Variants in OR51M1 observed in about 807,000 individuals in gnomAD.
OR51M1 encodes the protein olfactory receptor family 51 subfamily M member 1, also known as olfactory receptor 51M1.
For synonymous variants in OR51M1, 199 were observed against 155.1 expected, an observed-to-expected ratio of 1.28 and a Z score of -2.10; for missense variants, 509 against 404.4, an observed-to-expected ratio of 1.26 and a Z score of -2.22.
In OR51M1 at chr11:5,389,724, G is replaced by A; in HGVS notation, c.326G>A (p.Cys109Tyr). The change falls in exon 3 of 3, where the codon TGT (cysteine) becomes TAT (tyrosine). Residue 109 changes from cysteine (C) to tyrosine (Y), a missense_variant. Coordinates refer to ENST00000642046, the MANE Select transcript of OR51M1 (RefSeq NM_001004756.3). Reference protein sequence around the residue: ...FNSHSIYFGACQIQMFCIHSF... With the variant: ...FNSHSIYFGAYQIQMFCIHSF... Reference sequence around the variant, plus strand: ...TCCCATAGTATCTACTTTGGAGCGTGTCAAATCCAGATGTTCTGCATCCAC... The same window carrying A: ...TCCCATAGTATCTACTTTGGAGCGTATCAAATCCAGATGTTCTGCATCCAC... The A allele has an allele frequency of 6.2e-7, 1 of 1,613,924 alleles. No individual in the cohort carries two copies. The highest frequency in any genetic ancestry group is 1.1e-5 in the South Asian group (1 of 91,078).
rs1849786011 is a variant in OR51M1, at chr11:5,390,962, C to T, written c.*583C>T. 1.3e-5 allele frequency: 2 copies of T among 152,792 alleles called. No homozygotes were observed. The highest frequency in any genetic ancestry group is 1.3e-4 in the Admixed American group (2 of 15,316). 9.5% of individuals were successfully genotyped at this position (152,792 alleles called of 1,614,324 possible). ...CCAAATTTCTAAGGTTGTGCTCTCT[C>T]CTGACCATATTCCTCTAGAAGAAGA... On this transcript the variant is annotated 3_prime_UTR_variant, in exon 3 of 3. Transcript: ENST00000642046.
intron 2 of OR51M1, among the ~76,000 whole-genome samples, chr11:5,387,701 G>T (rs1481861305): frequency 7.0e-6 from 1 of 143,676 alleles, no homozygotes; most frequent in African/African-American, 2.6e-5. Context: ...TCTGCTTCAG[G>T]AACTTTCACT....
At chr11:5,389,301 T>G in intron 2 of OR51M1, 83 bp from the exon 3 acceptor site, 2 of 1,161,652 alleles carry the variant, frequency 1.7e-6, no homozygotes, top group South Asian at 2.8e-5. Context: ...CTAAAGGTGA[T>G]GATGACCATG....
At chr11:5,384,862 T>G (rs1367898188) in intron 1 of OR51M1, among the ~76,000 whole-genome samples, 1 of 152,192 alleles carries the variant, frequency 6.6e-6, no homozygotes, top group African/African-American at 2.4e-5. Flanking sequence ...AAAACAGGCA[T>G]GTTTACAGAT....
In OR51M1 at chr11:5,390,420, C is replaced by A; in HGVS notation, c.*41C>A. The A allele has an allele frequency of 6.7e-7, 1 of 1,490,330 alleles. No individual in the cohort carries two copies. Among genetic ancestry groups the A allele is most frequent in the Non-Finnish European group, 9.0e-7 (1 of 1,115,408 alleles). 92.3% of individuals were successfully genotyped at this position (1,490,330 alleles called of 1,614,324 possible). A position where few individuals can be genotyped will look rare whatever the true frequency, so the allele number is the denominator to read the frequency against. Reference sequence around the variant, plus strand: ...CTCCCCCTAGAGGCCTATAAGAAGGCCCCAAATTGGACTGAAAATTTGGAG... The same window carrying A: ...CTCCCCCTAGAGGCCTATAAGAAGGACCCAAATTGGACTGAAAATTTGGAG... On this transcript the variant is annotated 3_prime_UTR_variant, in exon 3 of 3. Transcript: ENST00000642046.
chr11:5,388,607 G>A (rs6578628), intron 2 of OR51M1, among the ~76,000 whole-genome samples: 120,485 of 148,630 alleles, frequency 0.81, 49,193 homozygotes, highest in Middle Eastern at 0.85. Flanking sequence ...ATATACAGAG[G>A]AAATTAGGAT....
Position 5,390,120 on chromosome 11 carries a change from C to A in OR51M1, c.722C>A (p.Ala241Asp), listed in dbSNP as rs780085206. 5 of 1,613,806 alleles carry A rather than the reference C, an allele frequency of 3.1e-6. No homozygotes were observed. The highest frequency in any genetic ancestry group is 4.2e-6 in the Non-Finnish European group (5 of 1,179,878). Residue 241 changes from alanine (A) to aspartate (D), a missense_variant, in exon 3 of 3, where the codon GCC becomes GAC. Transcript: ENST00000642046. ...GLILHTVAGL[A>D]SQEEQRRAFQ... ...ATCCTGCACACAGTAGCAGGCCTGGCCTCCCAAGAGGAGCAGCGCCGTGCC... is the reference window on the plus strand; with the variant it reads ...ATCCTGCACACAGTAGCAGGCCTGGACTCCCAAGAGGAGCAGCGCCGTGCC...
Position 5,389,914 on chromosome 11 carries a change from C to T in OR51M1, c.516C>T (p.Val172=), listed in dbSNP as rs750910193. The change falls in exon 3 of 3, where the codon GTC becomes GTT. Residue 172 remains valine, a synonymous_variant. Transcript: ENST00000642046. ...GACCTGTGGCCACTATCCCTATTGT[C>T]CTCCTCCTGAAGGCTTTTCCCTACT... is the stretch of plus-strand genomic sequence containing the variant. ...FRGPVATIPI[V]LLLKAFPYCG... The T allele has an allele frequency of 4.3e-6, 7 of 1,611,678 alleles. 1 individual carries two copies. In the Admixed American group the frequency reaches 1.0e-4, roughly 23 times the overall value.
Position 5,390,114 on chromosome 11 carries a change from G to T in OR51M1, c.716G>T (p.Gly239Val). 6.2e-7 allele frequency: 1 copy of T among 1,613,762 alleles called. No homozygotes were observed. The change falls in exon 3 of 3, where the codon GGC becomes GTC. Residue 239 changes from glycine (G) to valine (V), a missense_variant. Coordinates refer to ENST00000642046, the MANE Select transcript of OR51M1 (RefSeq NM_001004756.3). ...SYGLILHTVA[G>V]LASQEEQRRA... ...GGACTCATCCTGCACACAGTAGCAG[G>T]CCTGGCCTCCCAAGAGGAGCAGCGC...
intron 2 of OR51M1, among the ~76,000 whole-genome samples, chr11:5,386,969 G>C (rs1271979869): frequency 2.0e-5 from 3 of 152,064 alleles, no homozygotes; most frequent in African/African-American, 4.8e-5. Flanking sequence ...AGTTTCATCA[G>C]TATCCTTTTG....
intron 2 of OR51M1, among the ~76,000 whole-genome samples, chr11:5,386,613 T>C (rs1363658481): frequency 6.6e-6 from 1 of 151,982 alleles, no homozygotes; most frequent in African/African-American, 2.4e-5. Context: ...CAGTGATTCA[T>C]AGAGTTAGTA....
intron 2 of OR51M1, 134 bp from the exon 3 acceptor site, chr11:5,389,250 T>C: frequency 1.3e-6 from 1 of 776,938 alleles, no homozygotes; most frequent in South Asian, 1.7e-5. Flanking sequence ...TTCAATAAAG[T>C]AGTGAGATTG....
At chr11:5,387,582 C>T (rs1476314822) in intron 2 of OR51M1, among the ~76,000 whole-genome samples, 2 of 152,170 alleles carry the variant, frequency 1.3e-5, no homozygotes, top group African/African-American at 4.8e-5. Context: ...TCATACATGA[C>T]GTAGCATTTA....
Position 5,389,362 on chromosome 11 carries a change from A to G in OR51M1, c.-15-22A>G, listed in dbSNP as rs1236129296. On this transcript the variant is annotated intron_variant, in intron 2 of 2. Coordinates refer to ENST00000642046, the MANE Select transcript of OR51M1 (RefSeq NM_001004756.3). ...TAGTGAAGCTGAAGAATTAATAACC[A>G]GAAATATCCATTTATTTTCAGCTCA... 6 of 1,588,378 alleles carry G rather than the reference A, an allele frequency of 3.8e-6. No homozygotes were observed. The African/African-American group carries it at 8.1e-5, about 21-fold the overall frequency.
At chr11:5,384,006 G>T (rs1849648288) in intron 1 of OR51M1, 89 bp downstream of exon 1, 1 of 152,190 alleles carries the variant, frequency 6.6e-6, no homozygotes, top group East Asian at 1.9e-4. Context: ...GAGGGAAAAT[G>T]GGAATGCATA....
chr11:5,391,133 C>T lies in OR51M1; in HGVS notation c.*754C>T, dbSNP rs1241626174. 7 of 152,190 alleles carry T rather than the reference C, an allele frequency of 4.6e-5. No homozygotes were observed. The highest frequency in any genetic ancestry group is 1.4e-4 in the African/African-American group (6 of 41,434). The allele number at this position is 152,190 out of a possible 1,614,324, so 9.4% of individuals were successfully genotyped here. A position where few individuals can be genotyped will look rare whatever the true frequency, so the allele number is the denominator to read the frequency against. ...ACATGTAACGTGAGAAAGCTTCAGC[C>T]AAGGAAACTCACACAAACATATTGA... is the stretch of plus-strand genomic sequence containing the variant. On this transcript the variant is annotated 3_prime_UTR_variant, in exon 3 of 3. Coordinates refer to ENST00000642046, the MANE Select transcript of OR51M1 (RefSeq NM_001004756.3).
rs1564797585 is a variant in OR51M1 at position 5,390,574 on chromosome 11, T to A, written c.*195T>A. The A allele has an allele frequency of 5.5e-6, 3 of 547,370 alleles. No individual in the cohort carries two copies. 33.9% of individuals were successfully genotyped at this position (547,370 alleles called of 1,614,324 possible). A position where few individuals can be genotyped will look rare whatever the true frequency, so the allele number is the denominator to read the frequency against. On this transcript the variant is annotated 3_prime_UTR_variant, in exon 3 of 3. Coordinates refer to ENST00000642046, the MANE Select transcript of OR51M1 (RefSeq NM_001004756.3). ...TTGCTTAGATTTTAATGGCTCCTCC[T>A]ACAGCTGAGAACTGGCATTTTTGGT...
Position 5,391,412 on chromosome 11 carries a change from G to C in OR51M1, c.*1033G>C, listed in dbSNP as rs1411810971. 6.6e-6 allele frequency: 1 copy of C among 152,224 alleles called. No individual in the cohort carries two copies. The highest frequency in any genetic ancestry group is 1.5e-5 in the Non-Finnish European group (1 of 68,056). The allele number at this position is 152,224 out of a possible 1,614,324, so 9.4% of individuals were successfully genotyped here. On this transcript the variant is annotated 3_prime_UTR_variant, in exon 3 of 3. Coordinates refer to ENST00000642046, the MANE Select transcript of OR51M1 (RefSeq NM_001004756.3). ...GTCCTGTTTATGAAGGTGTGTGCAT[G>C]TGTCCATTAGAATGACTAAATCAAG... is the stretch of plus-strand genomic sequence containing the variant.
chr11:5,389,297 G>A (rs959186970), intron 2 of OR51M1, 87 bp from the exon 3 acceptor site: 2 of 1,111,888 alleles, frequency 1.8e-6, no homozygotes, highest in Non-Finnish European at 2.6e-6. Flanking sequence ...AATACTAAAG[G>A]TGATGATGAC....
Sources: gnomAD v4.1 joint callset for allele counts (sites outside exome capture counted in the v4.1 genomes callset) on GRCh38, gnomAD v4.1.1 for gene constraint, MANE v1.5 for transcripts, NCBI Gene and HGNC (gene_info 2026-07-23, HGNC 2026-07-21) for gene names.